The following DAO variants were observed in gnomAD, a reference collection of about 807,000 sequenced individuals.
DAO encodes the protein D-amino-acid oxidase.
In DAO, 51 loss-of-function variants were observed where a neutral mutation model predicts 50.1. That is an observed-to-expected ratio of 1.02 (90% CI 0.81 to 1.29). The LOEUF is 1.29. Among genes scored for constraint, DAO ranks in the 50% most tolerant of loss-of-function variants. The pLI is 0.00. For synonymous variants in DAO, 160 were observed against 166.2 expected (o/e 0.96, Z 0.29); for missense variants, 436 against 439.4 (o/e 0.99, Z 0.07).
chr12:108,891,533 A>G (rs1054428778), intron 5 of DAO, among the ~76,000 whole-genome samples: 1 of 151,594 alleles, frequency 6.6e-6, no homozygotes, highest in Admixed American at 6.6e-5. Context: ...TTAAATGTAG[A>G]TTTTAGGACC....
Position 108,900,844 on chromosome 12 carries a change from GA to G in DAO, c.*313del. ...AAGAGGCCAACTGCCCAGAGCCACAGAAAATGGAGGATAATTGAGGCTAAGT... is the reference window on the plus strand; with the variant it reads ...AAGAGGCCAACTGCCCAGAGCCACAGAAATGGAGGATAATTGAGGCTAAGT... On this transcript the variant is annotated 3_prime_UTR_variant, in exon 11 of 11. Coordinates refer to ENST00000228476, the MANE Select transcript of DAO (RefSeq NM_001917.5). 2.8e-6 allele frequency: 1 copy of G among 355,846 alleles called. No individual in the cohort carries two copies. Among genetic ancestry groups the G allele is most frequent in the South Asian group, 2.4e-5 (1 of 41,682 alleles). 22.0% of individuals were successfully genotyped at this position (355,846 alleles called of 1,614,324 possible).
intron 8 of DAO, among the ~76,000 whole-genome samples, chr12:108,898,021 GATA>G (rs960322234): frequency 6.6e-6 from 1 of 152,094 alleles, no homozygotes; most frequent in Non-Finnish European, 1.5e-5. Flanking sequence ...TGATGGTGAT[GATA>G]ATGTTAACGG....
At position 108,889,606 on chromosome 12, in the gene DAO, A is replaced by C. The variant is rs1763872710; in HGVS notation, c.386+61A>C. ...CTGACGAGTTAGCAGACCTGTCCAG[A>C]AGGCAGCAGAGGGTAGAGGCACCAG... On this transcript the variant is annotated intron_variant, in intron 4 of 10. Transcript: ENST00000228476. 9 of 1,330,500 alleles carry C rather than the reference A, an allele frequency of 6.8e-6. No individual in the cohort carries two copies. In the South Asian group the frequency reaches 1.1e-4, roughly 16 times the overall value. 82.4% of individuals were successfully genotyped at this position (1,330,500 alleles called of 1,614,324 possible).
chr12:108,889,409 C>A, intron 3 of DAO, 60 bp from the exon 4 acceptor site: 1 of 1,198,604 alleles, frequency 8.3e-7, no homozygotes, highest in Non-Finnish European at 1.2e-6. Context: ...CTCGCCTGGC[C>A]CATTATCATT....
At chr12:108,884,844 A>G (rs557380597) in intron 1 of DAO, among the ~76,000 whole-genome samples, 154 bp from the exon 2 acceptor site, 70 of 152,282 alleles carry the variant, frequency 4.6e-4, no homozygotes, top group African/African-American at 1.6e-3. Context: ...GAACAATGAT[A>G]TTCCTTCCTC....
intron 3 of DAO, 92 bp from the exon 4 acceptor site, chr12:108,889,377 T>C (rs984317714): frequency 1.2e-6 from 1 of 829,484 alleles, no homozygotes; most frequent in Non-Finnish European, 2.0e-6. Context: ...CCCAAAGTGC[T>C]GGGATTACAG....
intron 5 of DAO, 73 bp from the exon 6 acceptor site, chr12:108,892,909 C>G: frequency 7.1e-7 from 1 of 1,401,446 alleles, no homozygotes; most frequent in Non-Finnish European, 1.0e-6. Context: ...GGGAAAGGTC[C>G]CTGTGCCACC....
chr12:108,884,739 G>A (rs576689515), intron 1 of DAO, among the ~76,000 whole-genome samples: 2 of 152,112 alleles, frequency 1.3e-5, no homozygotes, highest in South Asian at 2.1e-4. Context: ...GTCTGGGGAC[G>A]CTCCCCAGAG....
chr12:108,885,715 AT>A (rs1168478070), intron 2 of DAO, among the ~76,000 whole-genome samples: 3 of 152,108 alleles, frequency 2.0e-5, no homozygotes, highest in Non-Finnish European at 4.4e-5. Context: ...ATACCACATG[AT>A]TGGTGAATCT....
chr12:108,885,195 G>A lies in DAO; in HGVS notation c.189G>A (p.Gln63=). 1 of 1,612,548 alleles carries A rather than the reference G, an allele frequency of 6.2e-7. No individual in the cohort carries two copies. The highest frequency in any genetic ancestry group is 8.5e-7 in the Non-Finnish European group (1 of 1,179,828). ...QPYLSDPNNP[Q]EADWSQQTFD... ...ACCTTTCTGACCCCAACAACCCACAGGAGGCGTGAGTGAGGGTCACATAGG... is the reference window on the plus strand; with the variant it reads ...ACCTTTCTGACCCCAACAACCCACAAGAGGCGTGAGTGAGGGTCACATAGG... Residue 63 remains glutamine, a synonymous_variant, in exon 2 of 11, where the codon CAG becomes CAA. Coordinates refer to ENST00000228476, the MANE Select transcript of DAO (RefSeq NM_001917.5).
intron 4 of DAO, 74 bp from the exon 5 acceptor site, chr12:108,890,134 C>T (rs2039475374): frequency 7.9e-6 from 10 of 1,271,842 alleles, no homozygotes; most frequent in African/African-American, 2.9e-5. Context: ...ATTGCTCCCA[C>T]CTCCATTTCA....
chr12:108,892,159 C>CTTTTTTTTTT (rs11356161), intron 5 of DAO, among the ~76,000 whole-genome samples: 4 of 108,978 alleles, frequency 3.7e-5, no homozygotes, highest in Admixed American at 1.2e-4. Flanking sequence ...TTTCTTTCTT[C>CTTTTTTTTTT]TTTTTTTTTT....
At position 108,897,087 on chromosome 12, in the gene DAO, G is replaced by A; in HGVS notation, c.694G>A (p.Gly232Arg). The A allele has an allele frequency of 2.5e-6, 4 of 1,611,404 alleles. No individual in the cohort carries two copies. In the South Asian group the frequency reaches 4.4e-5, roughly 18 times the overall value. ...CTACAATTCCCCGTACATCATCCCA[G>A]GGTAAAATTGGACTGTTCTCGGGCA... ...GIYNSPYIIP[G>R]TQTVTLGGIF... The change falls in exon 8 of 11, where the codon GGG (glycine) becomes AGG (arginine). Residue 232 changes from glycine to arginine, a missense_variant and splice_region_variant. Transcript: ENST00000228476.
intron 6 of DAO, among the ~76,000 whole-genome samples, chr12:108,893,906 G>A (rs2039518026): frequency 6.6e-6 from 1 of 152,130 alleles, no homozygotes; most frequent in South Asian, 2.1e-4. Flanking sequence ...CTTCCTTTCT[G>A]ACTTCTTTTG....
intron 2 of DAO, 58 bp downstream of exon 2, chr12:108,885,258 G>C: frequency 6.5e-7 from 1 of 1,537,384 alleles, no homozygotes. Flanking sequence ...TCTGCAGAGG[G>C]AGTCAGGGTT....
chr12:108,889,748 C>T (rs913265410), intron 4 of DAO, among the ~76,000 whole-genome samples: 3 of 152,220 alleles, frequency 2.0e-5, no homozygotes, highest in Non-Finnish European at 2.9e-5. Flanking sequence ...GGTATGAAAT[C>T]ACAGATCTCA....
chr12:108,898,150 G>A (rs2039581132), intron 8 of DAO, among the ~76,000 whole-genome samples: 1 of 152,140 alleles, frequency 6.6e-6, no homozygotes, highest in South Asian at 2.1e-4. Flanking sequence ...CAGCGTTCAT[G>A]GGGGTGGTGA....
rs1038184581 is a variant in DAO at position 108,898,661 on chromosome 12, C to CTCCTCCTGGG, written c.696-13_696-12insCTGGGTCCTC. ...CCTTCATTTTCCTTCATCCTTGACCCTCCTCATTTGTATCTAGGACCCAGA... is the reference window on the plus strand; with the variant it reads ...CCTTCATTTTCCTTCATCCTTGACCCTCCTCCTGGGTCCTCATTTGTATCTAGGACCCAGA... On this transcript the variant is annotated splice_polypyrimidine_tract_variant and intron_variant, in intron 8 of 10. Transcript: ENST00000228476. 1.4e-5 allele frequency: 21 copies of CTCCTCCTGGG among 1,536,252 alleles called. No individual in the cohort carries two copies. Among genetic ancestry groups the CTCCTCCTGGG allele is most frequent in the Non-Finnish European group, 1.9e-5 (21 of 1,109,188 alleles).
chr12:108,899,210 T>C (rs2039595788), intron 9 of DAO, among the ~76,000 whole-genome samples, 167 bp from the exon 10 acceptor site: 1 of 152,050 alleles, frequency 6.6e-6, no homozygotes, highest in South Asian at 2.1e-4. Context: ...GGTAATGATG[T>C]TGGTAGCTGA....
Sources: allele counts gnomAD v4.1 joint callset (sites outside exome capture counted in the v4.1 genomes callset), GRCh38; gene constraint gnomAD v4.1.1; transcripts MANE v1.5; gene names NCBI Gene and HGNC (gene_info 2026-07-23, HGNC 2026-07-21).